The following ASXL3 variants were observed in gnomAD, a reference collection of about 807,000 sequenced individuals.
ASXL3 encodes ASXL transcriptional regulator 3.
A neutral mutation model predicts 170.6 loss-of-function variants in ASXL3; 34 were observed. The ratio of observed to expected loss-of-function variants is 0.20; its 90% CI spans 0.15 to 0.27. The LOEUF is 0.27. ASXL3 is among the 10% of genes least tolerant of loss of function. The pLI, the probability that ASXL3 is intolerant of heterozygous loss-of-function variation, is 1.00. For synonymous variants in ASXL3, 1,002 were observed against 989.1 expected (o/e 1.01, Z -0.24); for missense variants, 2,592 against 2,695.3 (o/e 0.96, Z 0.85).
intron 1 of ASXL3, among the ~76,000 whole-genome samples, chr18:33,602,383 A>G (rs1416242074): frequency 1.3e-5 from 2 of 152,084 alleles, no homozygotes; most frequent in Non-Finnish European, 2.9e-5. Context: ...CAGCAGCCAC[A>G]TATGCTGGGA....
intron 8 of ASXL3, among the ~76,000 whole-genome samples, chr18:33,710,967 A>G (rs543195932): frequency 1.1e-3 from 171 of 152,272 alleles, no homozygotes; most frequent in Non-Finnish European, 2.0e-3. Flanking sequence ...CTGTTGCCTT[A>G]TGAATATAAT....
In ASXL3 at chr18:33,744,698, C is replaced by G. The variant is rs758714368; in HGVS notation, c.4850C>G (p.Thr1617Arg). The change falls in exon 12 of 12, where the codon ACA becomes AGA. Residue 1617 changes from threonine to arginine, a missense_variant. Physicochemically the swap from Thr to Arg is moderately conservative, Grantham distance 71 (BLOSUM62 -1). This residue lies in a region of ASXL3 where 2,246 missense variants were observed against 2,219.6 expected (regional missense o/e 1.01). Coordinates refer to ENST00000269197, the MANE Select transcript of ASXL3 (RefSeq NM_030632.3). ...TGGAATGATGATGGGATGAGGAGCA[C>G]AGGACAGCCTCTGGTTACTCACTCG... ...ICWNDDGMRS[T>R]GQPLVTHSGS... 1.9e-6 allele frequency: 3 copies of G among 1,611,752 alleles called. No homozygotes were observed. Among genetic ancestry groups the G allele is most frequent in the South Asian group, 2.2e-5 (2 of 90,658 alleles).
intron 7 of ASXL3, among the ~76,000 whole-genome samples, chr18:33,674,711 C>T (rs781054213): frequency 6.6e-6 from 1 of 151,658 alleles, no homozygotes; most frequent in African/African-American, 2.4e-5. Context: ...CTCTGCCTCT[C>T]GGGTTCACCC....
At position 33,746,833 on chromosome 18, in the gene ASXL3, GTTTC is replaced by G. The variant is rs2067802996; in HGVS notation, c.*240_*243del. 5 of 571,806 alleles carry G rather than the reference GTTTC, an allele frequency of 8.7e-6. No homozygotes were observed. The highest frequency in any genetic ancestry group is 1.9e-5 in the African/African-American group (1 of 53,284). 35.4% of individuals were successfully genotyped at this position (571,806 alleles called of 1,614,324 possible). ...CAGTTGCCATTCCTAGCTTTGGAAAGTTTCTATCTGTCCATGTGTATACAAGTCA... is the reference window on the plus strand; with the variant it reads ...CAGTTGCCATTCCTAGCTTTGGAAAGTATCTGTCCATGTGTATACAAGTCA... On this transcript the variant is annotated 3_prime_UTR_variant, in exon 12 of 12. Transcript: ENST00000269197.
chr18:33,594,469 G>A (rs1369942831), intron 1 of ASXL3, among the ~76,000 whole-genome samples: 1 of 152,170 alleles, frequency 6.6e-6, no homozygotes, highest in Non-Finnish European at 1.5e-5. Context: ...CTGATTTCAT[G>A]CAGAATCTTT....
chr18:33,745,832 C>A lies in ASXL3; in HGVS notation c.5984C>A (p.Pro1995His). The change falls in exon 12 of 12, where the codon CCC (proline) becomes CAC (histidine). Residue 1995 changes from proline to histidine, a missense_variant. Pro to His is a moderately conservative substitution (Grantham distance 77). Transcript: ENST00000269197. ...RLANMLSPNM[P>H]MKEGDEVGGT... is the part of the protein sequence containing the mutation. Reference sequence around the variant, plus strand: ...GCCAACATGTTATCCCCCAATATGCCCATGAAAGAAGGTGATGAGGTGGGA... The same window carrying A: ...GCCAACATGTTATCCCCCAATATGCACATGAAAGAAGGTGATGAGGTGGGA... The A allele has an allele frequency of 6.2e-7, 1 of 1,613,950 alleles. No homozygotes were observed. The highest frequency in any genetic ancestry group is 8.5e-7 in the Non-Finnish European group (1 of 1,179,900).
At chr18:33,655,731 A>G (rs1012908341) in intron 4 of ASXL3, among the ~76,000 whole-genome samples, 3 of 152,088 alleles carry the variant, frequency 2.0e-5, no homozygotes, top group South Asian at 2.1e-4. Flanking sequence ...TTCTGGCTGT[A>G]TATATCCAAA....
At chr18:33,610,882 A>G (rs780552455) in intron 2 of ASXL3, among the ~76,000 whole-genome samples, 3 of 152,114 alleles carry the variant, frequency 2.0e-5, no homozygotes, top group Non-Finnish European at 2.9e-5. Context: ...GTATGCTGAT[A>G]GTTTCCAGCA....
intron 1 of ASXL3, among the ~76,000 whole-genome samples, chr18:33,606,184 C>G (rs1259798426): frequency 2.0e-5 from 3 of 151,836 alleles, no homozygotes; most frequent in Non-Finnish European, 2.9e-5. Flanking sequence ...ACAACTTTGC[C>G]TATGTTTCTG....
At chr18:33,645,045 C>A in intron 3 of ASXL3, 43 bp downstream of exon 3, 1 of 1,340,588 alleles carries the variant, frequency 7.5e-7, no homozygotes, top group Non-Finnish European at 1.0e-6. Context: ...TATTATCATG[C>A]ATTTTTTCAG....
chr18:33,615,624 T>G (rs1432322899), intron 2 of ASXL3, among the ~76,000 whole-genome samples: 1 of 152,110 alleles, frequency 6.6e-6, no homozygotes, highest in African/African-American at 2.4e-5. Context: ...CATAATAAAG[T>G]GAAACACACA....
At chr18:33,671,696 T>C in intron 6 of ASXL3, 51 bp from the exon 7 acceptor site, 1 of 1,490,898 alleles carries the variant, frequency 6.7e-7, no homozygotes. Context: ...GATTTTTCTT[T>C]TCAAGGACAG....
At chr18:33,698,572 T>A (rs1478400659) in intron 8 of ASXL3, among the ~76,000 whole-genome samples, 1 of 151,938 alleles carries the variant, frequency 6.6e-6, no homozygotes, top group Non-Finnish European at 1.5e-5. Context: ...ATTAAAACCA[T>A]GAATATAAAC....
chr18:33,636,348 C>T (rs1016515818), intron 2 of ASXL3, among the ~76,000 whole-genome samples: 1 of 40,006 alleles, frequency 2.5e-5, no homozygotes, highest in Admixed American at 2.7e-4. Flanking sequence ...ACAACAACAG[C>T]CACAACAACA....
At chr18:33,728,901 T>A (rs1022269300) in intron 8 of ASXL3, among the ~76,000 whole-genome samples, 1 of 152,168 alleles carries the variant, frequency 6.6e-6, no homozygotes, top group African/African-American at 2.4e-5. Context: ...CGTTTCCCAC[T>A]ACCTAGAGTG....
At position 33,744,024 on chromosome 18, in the gene ASXL3, A is replaced by G. The variant is rs1215783790; in HGVS notation, c.4176A>G (p.Arg1392=). ...QATVSMGTTV[R]AALSCSDSVA... ...CTGTATCCATGGGTACCACTGTGAG[A>G]GCAGCCCTCAGCTGCAGTGATTCTG... The change falls in exon 12 of 12, where the codon AGA becomes AGG. Residue 1392 remains arginine (R), a synonymous_variant. Transcript: ENST00000269197. The G allele has an allele frequency of 8.7e-6, 14 of 1,613,892 alleles. No homozygotes were observed. The highest frequency in any genetic ancestry group is 1.2e-5 in the Non-Finnish European group (14 of 1,179,910).
intron 8 of ASXL3, among the ~76,000 whole-genome samples, chr18:33,720,383 A>G (rs1045672672): frequency 6.6e-6 from 1 of 152,116 alleles, no homozygotes; most frequent in Non-Finnish European, 1.5e-5. Flanking sequence ...ACATTATAAC[A>G]TAACCTTATT....
At chr18:33,711,507 A>C (rs1189020611) in intron 8 of ASXL3, among the ~76,000 whole-genome samples, 1 of 152,202 alleles carries the variant, frequency 6.6e-6, no homozygotes, top group Non-Finnish European at 1.5e-5. Flanking sequence ...CAAATGACTA[A>C]TTGTTAACTT....
At position 33,738,984 on chromosome 18, in the gene ASXL3, A is replaced by T; in HGVS notation, c.1580A>T (p.Gln527Leu). The T allele has an allele frequency of 1.2e-6, 2 of 1,613,824 alleles. No homozygotes were observed. The highest frequency in any genetic ancestry group is 8.5e-7 in the Non-Finnish European group (1 of 1,179,846). The change falls in exon 11 of 12, where the codon CAG (glutamine) becomes CTG (leucine). Residue 527 changes from glutamine to leucine, a missense_variant. Physicochemically the swap from Gln to Leu is moderately radical, Grantham distance 113 (BLOSUM62 -2). Around this residue, in one of 4 missense-constraint regions of ASXL3, gnomAD observed 2,246 missense variants for 2,219.6 expected, o/e 1.01. Transcript: ENST00000269197. ...ATAGAAGGGAAGTCAGAATCACCCC[A>T]GGAAGAAATGACAGTTGTTATCGAT... ...VKIEGKSESP[Q>L]EEMTVVIDQL... is the part of the protein sequence containing the mutation.
Sources: allele counts gnomAD v4.1 joint callset (sites outside exome capture counted in the v4.1 genomes callset), GRCh38; gene constraint gnomAD v4.1.1; regional missense constraint gnomAD v4.1.1; transcripts MANE v1.5; gene names NCBI Gene and HGNC (gene_info 2026-07-23, HGNC 2026-07-21).